The following NEGR1 variants were observed in gnomAD, a reference collection of about 807,000 sequenced individuals.
NEGR1 encodes the protein IgLON family member 4.
Under a neutral mutation model 40.9 loss-of-function variants are expected in NEGR1, and 10 were observed. The ratio of observed to expected loss-of-function variants is 0.24; its 90% confidence interval spans 0.15 to 0.42. NEGR1 has a LOEUF of 0.42. Ranked by LOEUF, NEGR1 falls within the 10% of genes least tolerant of loss-of-function variation. NEGR1 has a pLI of 1.00. For missense variants in NEGR1, 352 were observed against 438.9 expected (o/e 0.80, Z 1.77); for synonymous variants, 185 against 166.8 (o/e 1.11, Z -0.84).
intron 2 of NEGR1, among the ~76,000 whole-genome samples, chr1:71,933,802 A>G (rs1645877780): frequency 2.0e-5 from 3 of 152,094 alleles, no homozygotes; most frequent in Admixed American, 6.5e-5. Flanking sequence ...TTATTTTTCA[A>G]TTTATACTTT....
intron 2 of NEGR1, among the ~76,000 whole-genome samples, chr1:71,815,821 C>T (rs563294591): frequency 5.3e-5 from 8 of 152,086 alleles, no homozygotes; most frequent in South Asian, 2.1e-4. Context: ...TCCTCTTCCT[C>T]GACTTTTTTT....
chr1:72,227,843 C>T (rs2100493442), intron 1 of NEGR1, among the ~76,000 whole-genome samples: 1 of 152,128 alleles, frequency 6.6e-6, no homozygotes, highest in African/African-American at 2.4e-5. Flanking sequence ...GCTAGTGTTA[C>T]CCAGAGCGCA....
intron 6 of NEGR1, among the ~76,000 whole-genome samples, chr1:71,424,148 A>G (rs956444763): frequency 6.6e-6 from 1 of 152,094 alleles, no homozygotes; most frequent in Non-Finnish European, 1.5e-5. Flanking sequence ...TTGAATAGTA[A>G]ATCTTTCCAT....
chr1:71,624,221 T>G (rs1650697035), intron 4 of NEGR1, among the ~76,000 whole-genome samples: 1 of 151,992 alleles, frequency 6.6e-6, no homozygotes, highest in Non-Finnish European at 1.5e-5. Context: ...GCTATAATCT[T>G]GTTGATTCTG....
At chr1:71,991,724 C>T (rs191658629) in intron 1 of NEGR1, among the ~76,000 whole-genome samples, 26 of 152,292 alleles carry the variant, frequency 1.7e-4, no homozygotes, top group African/African-American at 5.5e-4. Flanking sequence ...TTTACAGCCC[C>T]AACCTAACCT....
At chr1:72,109,594 T>C (rs534044732) in intron 1 of NEGR1, among the ~76,000 whole-genome samples, 2 of 151,810 alleles carry the variant, frequency 1.3e-5, no homozygotes, top group African/African-American at 4.8e-5. Flanking sequence ...ATATTATTAT[T>C]TCTTCATCTT....
At chr1:71,586,724 C>G (rs966598475) in intron 6 of NEGR1, among the ~76,000 whole-genome samples, 2 of 152,028 alleles carry the variant, frequency 1.3e-5, no homozygotes, top group Non-Finnish European at 2.9e-5. Flanking sequence ...CATACATGTT[C>G]CAGGTATGAG....
intron 6 of NEGR1, among the ~76,000 whole-genome samples, chr1:71,414,415 G>C (rs1043496720): frequency 4.6e-5 from 7 of 152,256 alleles, no homozygotes; most frequent in South Asian, 2.1e-4. Flanking sequence ...TAAACACTGG[G>C]TAGAGATTAG....
chr1:72,078,095 T>C (rs1569925728), intron 1 of NEGR1, among the ~76,000 whole-genome samples: 1 of 152,202 alleles, frequency 6.6e-6, no homozygotes, highest in Non-Finnish European at 1.5e-5. Flanking sequence ...TCTGATATTG[T>C]TGTCCATTAG....
rs1385922 is a variant in NEGR1, at chr1:72,151,650, C to T, written c.176+130669G>A. The stretch of plus-strand genomic sequence containing the variant: ...CAGTCAATGCAATAAGAGAAGTCAA[C>T]GGGAAATATAATAATTGTAAAAGAC... On this transcript the variant is annotated intron_variant, in intron 1 of 6. Coordinates refer to ENST00000357731, the MANE Select transcript of NEGR1 (RefSeq NM_173808.3). Among the ~76,000 whole-genome samples the T allele has an allele frequency of 1.3e-3, 192 of 151,578 alleles. 2 individuals carry two copies. The East Asian group carries it at 0.031, about 25-fold the overall frequency.
chr1:72,124,545 T>G (rs947500486), intron 1 of NEGR1, among the ~76,000 whole-genome samples: 1 of 152,064 alleles, frequency 6.6e-6, no homozygotes, highest in Non-Finnish European at 1.5e-5. Context: ...CATATATTAC[T>G]GGAAAGCAAA....
chr1:71,676,287 G>A (rs1256029420), intron 4 of NEGR1, among the ~76,000 whole-genome samples: 2 of 152,036 alleles, frequency 1.3e-5, no homozygotes, highest in Non-Finnish European at 2.9e-5. Flanking sequence ...CAGAGGTTTT[G>A]TGGTTTAATT....
intron 1 of NEGR1, among the ~76,000 whole-genome samples, chr1:72,046,485 TA>T (rs1243134636): frequency 6.6e-6 from 1 of 151,548 alleles, no homozygotes; most frequent in African/African-American, 2.4e-5. Flanking sequence ...AAATGATAAA[TA>T]AATTATAGCT....
chr1:72,173,565 C>T (rs1445210785), intron 1 of NEGR1, among the ~76,000 whole-genome samples: 2 of 151,792 alleles, frequency 1.3e-5, no homozygotes, highest in African/African-American at 4.8e-5. Flanking sequence ...TTTCTAATGG[C>T]CTAATCTCCA....
chr1:72,247,687 T>C (rs1357473487), intron 1 of NEGR1, among the ~76,000 whole-genome samples: 1 of 152,188 alleles, frequency 6.6e-6, no homozygotes, highest in Non-Finnish European at 1.5e-5. Flanking sequence ...TATTTTCCCT[T>C]CTTCCTGTCT....
chr1:71,861,649 C>T (rs1223499127), intron 2 of NEGR1, among the ~76,000 whole-genome samples: 1 of 152,006 alleles, frequency 6.6e-6, no homozygotes, highest in African/African-American at 2.4e-5. Flanking sequence ...AGAAAGATGG[C>T]TAACCTTTAT....
chr1:72,068,517 T>C (rs1025969394), intron 1 of NEGR1, among the ~76,000 whole-genome samples: 3 of 152,184 alleles, frequency 2.0e-5, no homozygotes, highest in Admixed American at 6.6e-5. Context: ...CTCTTGTGCA[T>C]GTACAAACAG....
At chr1:71,993,961 C>A (rs1223877576) in intron 1 of NEGR1, among the ~76,000 whole-genome samples, 2 of 152,114 alleles carry the variant, frequency 1.3e-5, no homozygotes, top group Admixed American at 6.5e-5. Flanking sequence ...GTTATAATTT[C>A]TCCACTCTTC....
intron 1 of NEGR1, among the ~76,000 whole-genome samples, chr1:72,158,917 T>G (rs2100369417): frequency 6.6e-6 from 1 of 152,302 alleles, no homozygotes; most frequent in African/African-American, 2.4e-5. Flanking sequence ...ATTCAGTTGA[T>G]AAAGATCAGA....
Sources: gnomAD v4.1 joint callset for allele counts (sites outside exome capture counted in the v4.1 genomes callset) on GRCh38, gnomAD v4.1.1 for gene constraint, MANE v1.5 for transcripts, NCBI Gene and HGNC (gene_info 2026-07-23, HGNC 2026-07-21) for gene names.